Variants in GPM6A observed in about 807,000 individuals in gnomAD.
GPM6A encodes glycoprotein M6A, also known as neuronal membrane glycoprotein M6-a.
In GPM6A, 7 loss-of-function variants were observed where a neutral mutation model predicts 32.1. The ratio of observed to expected loss-of-function variants is 0.22; its 90% CI spans 0.12 to 0.41. The LOEUF (loss-of-function observed/expected upper bound fraction) is 0.41, where lower values mean the gene tolerates loss of function less well. Ranked by LOEUF, GPM6A falls within the 10% of genes least tolerant of loss-of-function variation. The pLI, the probability that GPM6A is intolerant of heterozygous loss-of-function variation, is 1.00. For synonymous variants in GPM6A, 130 were observed against 123.4 expected, an observed-to-expected ratio of 1.05 and a Z score of -0.35; for missense variants, 235 against 347.2, an observed-to-expected ratio of 0.68 and a Z score of 2.57.
At chr4:175,793,358 T>C (rs1324561786) in intron 1 of GPM6A, among the ~76,000 whole-genome samples, 1 of 94,324 alleles carries the variant, frequency 1.1e-5, no homozygotes, top group East Asian at 3.1e-4. Flanking sequence ...TGTATTCTAT[T>C]CTATTCTATT....
intron 1 of GPM6A, among the ~76,000 whole-genome samples, chr4:175,722,130 T>C (rs571761754): frequency 1.3e-5 from 2 of 152,128 alleles, no homozygotes; most frequent in East Asian, 3.9e-4. Flanking sequence ...TTACAAAAAG[T>C]ACAAAAATTA....
chr4:175,809,628 G>A (rs1275582925), intron 1 of GPM6A, among the ~76,000 whole-genome samples: 1 of 152,126 alleles, frequency 6.6e-6, no homozygotes, highest in Non-Finnish European at 1.5e-5. Flanking sequence ...GGTGGGTGAA[G>A]TCACCCATAC....
intron 1 of GPM6A, among the ~76,000 whole-genome samples, chr4:175,766,942 A>C (rs1289339480): frequency 6.6e-6 from 1 of 151,956 alleles, no homozygotes; most frequent in Non-Finnish European, 1.5e-5. Flanking sequence ...GGTGTAAGCC[A>C]GCACGCCTGG....
intron 1 of GPM6A, among the ~76,000 whole-genome samples, chr4:175,810,746 G>T (rs988223403): frequency 2.0e-5 from 3 of 152,164 alleles, no homozygotes; most frequent in Non-Finnish European, 4.4e-5. Flanking sequence ...CAAAAAAGAT[G>T]TTGTCATAAG....
chr4:175,640,648 G>A, intron 5 of GPM6A, 105 bp downstream of exon 5: 1 of 791,464 alleles, frequency 1.3e-6, no homozygotes, highest in Non-Finnish European at 2.1e-6. Context: ...GCCTCTGATA[G>A]AATAAAGGGA....
intron 1 of GPM6A, among the ~76,000 whole-genome samples, chr4:175,907,823 TTC>T (rs1176742655): frequency 2.6e-5 from 4 of 152,200 alleles, no homozygotes; most frequent in African/African-American, 9.6e-5. Flanking sequence ...GTTTATCTAT[TTC>T]TTTGGGTCTT....
chr4:175,991,575 A>G (rs909359862), intron 1 of GPM6A, among the ~76,000 whole-genome samples: 1 of 152,214 alleles, frequency 6.6e-6, no homozygotes, highest in Non-Finnish European at 1.5e-5. Context: ...CTAGATGGAA[A>G]TACATAGTTG....
intron 1 of GPM6A, among the ~76,000 whole-genome samples, chr4:175,963,427 G>A (rs777393038): frequency 4.6e-5 from 7 of 152,092 alleles, no homozygotes; most frequent in Admixed American, 6.5e-5. Context: ...GAGTGGGTGA[G>A]CCTACCCAGA....
At chr4:175,746,118 A>G (rs567206386) in intron 1 of GPM6A, among the ~76,000 whole-genome samples, 56 of 152,274 alleles carry the variant, frequency 3.7e-4, no homozygotes, top group Admixed American at 1.2e-3. Flanking sequence ...TCCAGACAAA[A>G]AGGCTAAAAT....
chr4:175,705,045 A>G (rs2111074287), intron 1 of GPM6A, among the ~76,000 whole-genome samples: 1 of 152,282 alleles, frequency 6.6e-6, no homozygotes, highest in Non-Finnish European at 1.5e-5. Flanking sequence ...CTCTACTTTA[A>G]ATGGACCAGT....
chr4:175,921,598 C>A (rs1179633549), intron 1 of GPM6A, among the ~76,000 whole-genome samples: 1 of 152,024 alleles, frequency 6.6e-6, no homozygotes, highest in Admixed American at 6.5e-5. Context: ...TCAAATAATT[C>A]CTAGGAAAAA....
chr4:175,874,404 G>A (rs1341566037), intron 1 of GPM6A, among the ~76,000 whole-genome samples: 2 of 152,148 alleles, frequency 1.3e-5, no homozygotes, highest in Non-Finnish European at 1.5e-5. Flanking sequence ...GGTTCTGGAC[G>A]CTCAGTGAGG....
At chr4:175,919,056 G>C (rs1419620598) in intron 1 of GPM6A, among the ~76,000 whole-genome samples, 1 of 152,052 alleles carries the variant, frequency 6.6e-6, no homozygotes, top group Non-Finnish European at 1.5e-5. Context: ...TGGGAAAATT[G>C]CCTTTTATCA....
In GPM6A at chr4:175,715,733, G is replaced by T. The variant is rs200479313; in HGVS notation, c.38-13966C>A. On this transcript the variant is annotated intron_variant, in intron 1 of 6. Coordinates refer to ENST00000393658, the MANE Select transcript of GPM6A (RefSeq NM_201591.3). Reference sequence around the variant, plus strand: ...CTTACTATTGACTTTTTTTTTTTTTGAATCTCTTCACTAAACTATGAAAGC... The same window carrying T: ...CTTACTATTGACTTTTTTTTTTTTTTAATCTCTTCACTAAACTATGAAAGC... 5.1e-3 allele frequency among the ~76,000 whole-genome samples: 619 copies of T among 121,098 alleles called. 5 individuals are homozygous for T. Among genetic ancestry groups the T allele is most frequent in the African/African-American group, 0.012 (394 of 32,472 alleles). The allele number at this position is 121,098 out of a possible 152,430, so 79.4% of individuals were successfully genotyped here.
intron 3 of GPM6A, among the ~76,000 whole-genome samples, chr4:175,663,732 C>T (rs1354911174): frequency 2.8e-5 from 4 of 140,636 alleles, no homozygotes; most frequent in African/African-American, 5.5e-5. Flanking sequence ...CTCGCTTTGT[C>T]GCCCAGGCTG....
chr4:175,744,535 ATT>A (rs989297136), intron 1 of GPM6A, among the ~76,000 whole-genome samples: 8 of 152,238 alleles, frequency 5.3e-5, no homozygotes, highest in Admixed American at 5.2e-4. Flanking sequence ...ATCTAATGCT[ATT>A]TTTAAAACAA....
intron 1 of GPM6A, among the ~76,000 whole-genome samples, chr4:175,885,999 A>G (rs573625123): frequency 5.3e-4 from 75 of 142,354 alleles, no homozygotes; most frequent in Admixed American, 5.4e-4. Context: ...ACGTAAAATA[A>G]AAAACAGCAT....
At chr4:175,878,333 T>C (rs1579590094) in intron 1 of GPM6A, among the ~76,000 whole-genome samples, 1 of 152,144 alleles carries the variant, frequency 6.6e-6, no homozygotes, top group Non-Finnish European at 1.5e-5. Flanking sequence ...ACATTTCCTT[T>C]CCAAGTTGCC....
chr4:175,837,375 A>G (rs763870220), intron 1 of GPM6A, among the ~76,000 whole-genome samples: 9 of 152,266 alleles, frequency 5.9e-5, no homozygotes, highest in Non-Finnish European at 1.2e-4. Flanking sequence ...AATTGATGGT[A>G]ATTTGTTACA....
Sources: gnomAD v4.1 joint callset for allele counts (sites outside exome capture counted in the v4.1 genomes callset) on GRCh38, gnomAD v4.1.1 for gene constraint, MANE v1.5 for transcripts, NCBI Gene and HGNC (gene_info 2026-07-23, HGNC 2026-07-21) for gene names.